Variants in DYNC2H1 observed in about 807,000 individuals in gnomAD.
DYNC2H1 encodes cytoplasmic dynein 2 heavy chain 1.
A neutral mutation model predicts 570.0 loss-of-function variants in DYNC2H1; 410 were observed. The observed-to-expected ratio is 0.72, with a 90% CI of 0.66 to 0.78. The LOEUF is 0.78. Among genes scored for constraint, DYNC2H1 ranks in the 30% least tolerant of loss-of-function variants. The probability of loss-of-function intolerance (pLI) is 0.00; values close to 1 mark genes in which losing one functional copy is unlikely to be tolerated. For synonymous variants in DYNC2H1, 1,688 were observed against 1,677.6 expected (o/e 1.01, Z -0.15); for missense variants, 4,865 against 5,046.4 (o/e 0.96, Z 1.09).
At chr11:103,344,998 A>G (rs977225487) in intron 82 of DYNC2H1, among the ~76,000 whole-genome samples, 1 of 143,660 alleles carries the variant, frequency 7.0e-6, no homozygotes, top group African/African-American at 2.5e-5. Flanking sequence ...GTGGTTTTAC[A>G]TATTTTTTAG....
intron 71 of DYNC2H1, among the ~76,000 whole-genome samples, chr11:103,281,960 G>A (rs1345347016): frequency 6.6e-6 from 1 of 151,750 alleles, no homozygotes; most frequent in Non-Finnish European, 1.5e-5. Flanking sequence ...GAGTTGTTTT[G>A]TTTTAATAAA....
chr11:103,303,361 C>A, intron 76 of DYNC2H1, 108 bp downstream of exon 76: 3 of 1,208,152 alleles, frequency 2.5e-6, no homozygotes, highest in South Asian at 1.8e-5. Context: ...ATAATGCCCC[C>A]AAAAATGTCT....
At chr11:103,291,879 CT>C (rs1268894903) in intron 75 of DYNC2H1, among the ~76,000 whole-genome samples, 1 of 151,760 alleles carries the variant, frequency 6.6e-6, no homozygotes, top group East Asian at 1.9e-4. Flanking sequence ...TACTTCTTCT[CT>C]TTTTTGGTTT....
intron 47 of DYNC2H1, among the ~76,000 whole-genome samples, chr11:103,193,353 TG>T (rs1862393897): frequency 6.6e-6 from 1 of 152,124 alleles, no homozygotes; most frequent in Non-Finnish European, 1.5e-5. Context: ...GAGTCAGTAG[TG>T]TCTCTTTTTG....
intron 82 of DYNC2H1, among the ~76,000 whole-genome samples, chr11:103,337,220 C>A (rs1801899079): frequency 6.6e-6 from 1 of 152,190 alleles, no homozygotes; most frequent in Non-Finnish European, 1.5e-5. Flanking sequence ...TTTAGTTAAT[C>A]TGAAATCTAT....
chr11:103,114,575 C>T (rs1858280732), intron 3 of DYNC2H1, among the ~76,000 whole-genome samples: 1 of 152,074 alleles, frequency 6.6e-6, no homozygotes, highest in Non-Finnish European at 1.5e-5. Context: ...ACTACTAGGC[C>T]TCCCAAAGTG....
rs1939001865 is a variant in DYNC2H1 at position 103,334,384 on chromosome 11, T to C, written c.12039+10394T>C. ...ATTTGGCTACAAGGAATATCTGTTG[T>C]AAATCAATTATAAATTGTAAATCAA... On this transcript the variant is annotated intron_variant, in intron 82 of 88. Coordinates refer to ENST00000375735, the MANE Select transcript of DYNC2H1 (RefSeq NM_001377.3). The surrounding 1 kb of genome is among the most constrained non-coding windows in gnomAD (Gnocchi z 4.3). Among the ~76,000 whole-genome samples, 1 of 152,190 alleles carries C rather than the reference T, an allele frequency of 6.6e-6. No individual in the cohort carries two copies. The highest frequency in any genetic ancestry group is 2.1e-4 in the South Asian group (1 of 4,834).
At position 103,289,873 on chromosome 11, in the gene DYNC2H1, C is replaced by T. The variant is rs186449391; in HGVS notation, c.11095+2268C>T. On this transcript the variant is annotated intron_variant, in intron 75 of 88. Transcript: ENST00000375735. This position sits in a 1 kb window ranked among gnomAD's most constrained non-coding sequence, Gnocchi z 4.2. ...TATTTGGACTGAGTGTTCCTCAATCCAATATGATTGGTGTCCTTACAAGAA... is the reference window on the plus strand; with the variant it reads ...TATTTGGACTGAGTGTTCCTCAATCTAATATGATTGGTGTCCTTACAAGAA... 1.1e-4 allele frequency among the ~76,000 whole-genome samples: 16 copies of T among 152,160 alleles called. No homozygotes were observed. Among genetic ancestry groups the T allele is most frequent in the Non-Finnish European group, 1.5e-4 (10 of 67,986 alleles).
At position 103,384,628 on chromosome 11, in the gene DYNC2H1, CT is replaced by C. The variant is rs749959911; in HGVS notation, c.12157-15033del. 5.9e-5 allele frequency among the ~76,000 whole-genome samples: 9 copies of C among 152,110 alleles called. No individual in the cohort carries two copies. The East Asian group carries it at 1.7e-3, about 29-fold the overall frequency. On this transcript the variant is annotated intron_variant, in intron 83 of 88. Transcript: ENST00000375735. ...CTGTATGTTTTTTGTACATACATAG[CT>C]TATCAAAGTTAAACTCAGTATATTT...
chr11:103,471,258 T>C, intron 88 of DYNC2H1, among the ~76,000 whole-genome samples: 1 of 152,170 alleles, frequency 6.6e-6, no homozygotes, highest in East Asian at 1.9e-4. Flanking sequence ...CCCACCTCCT[T>C]TTTCCCCTTC....
Position 103,254,884 on chromosome 11 carries a change from GC to G in DYNC2H1, c.10207-529del, listed in dbSNP as rs777352643. Among the ~76,000 whole-genome samples, 7 of 151,984 alleles carry G rather than the reference GC, an allele frequency of 4.6e-5. No individual in the cohort carries two copies. Among genetic ancestry groups the G allele is most frequent in the Non-Finnish European group, 7.4e-5 (5 of 67,996 alleles). On this transcript the variant is annotated intron_variant, in intron 66 of 88. Transcript: ENST00000375735. This position sits in a 1 kb window ranked among gnomAD's most constrained non-coding sequence, Gnocchi z 4.9. Reference sequence around the variant, plus strand: ...CCTCCTAGGTTTAAGCTATTCTCCTGCCTCAGCCTCCCGAGTAGCTGGGATT... The same window carrying G: ...CCTCCTAGGTTTAAGCTATTCTCCTGCTCAGCCTCCCGAGTAGCTGGGATT...
At position 103,115,896 on chromosome 11, in the gene DYNC2H1, G is replaced by A. The variant is rs559273072; in HGVS notation, c.621+601G>A. ...GCACAGGTAATACGTTCTTTTGAAT[G>A]GGTATTCACTTTGTTCAAATTAGCA... On this transcript the variant is annotated intron_variant, in intron 4 of 88. Transcript: ENST00000375735. Among the ~76,000 whole-genome samples the A allele has an allele frequency of 3.0e-4, 45 of 152,108 alleles. 1 individual carries two copies. Among genetic ancestry groups the A allele is most frequent in the Admixed American group, 3.9e-4 (6 of 15,266 alleles).
In DYNC2H1 at chr11:103,479,191, T is replaced by C; in HGVS notation, c.12862T>C (p.Cys4288Arg). The C allele has an allele frequency of 1.2e-6, 2 of 1,613,914 alleles. No homozygotes were observed. The highest frequency in any genetic ancestry group is 4.5e-5 in the East Asian group (2 of 44,864). ...TGTGGTTACCAATATTGATGTTCCA[T>C]GTGGGGGCAACCAAGACCAGTGGAT... ...DRVVTNIDVPCGGNQDQWIQC... is the reference protein window; with the variant it reads ...DRVVTNIDVPRGGNQDQWIQC... Residue 4288 changes from cysteine (C) to arginine (R), a missense_variant, in exon 89 of 89, where the codon TGT becomes CGT. This residue lies in a region of DYNC2H1 where 2,401 missense variants were observed against 2,454.6 expected (regional missense o/e 0.98). Transcript: ENST00000375735.
At chr11:103,197,089 G>A (rs1862532030) in intron 47 of DYNC2H1, among the ~76,000 whole-genome samples, 1 of 151,982 alleles carries the variant, frequency 6.6e-6, no homozygotes, top group Admixed American at 6.6e-5. Context: ...GTAGATTTAA[G>A]GGAAGTTTGG....
chr11:103,328,136 G>T (rs1282917598), intron 82 of DYNC2H1, among the ~76,000 whole-genome samples: 1 of 152,078 alleles, frequency 6.6e-6, no homozygotes, highest in African/African-American at 2.4e-5. Flanking sequence ...TCTTGCCTTA[G>T]TATTCCAATT....
chr11:103,176,998 A>C (rs1414214237), intron 37 of DYNC2H1, among the ~76,000 whole-genome samples: 2 of 152,088 alleles, frequency 1.3e-5, no homozygotes, highest in South Asian at 2.1e-4. Context: ...GAGCCACCGC[A>C]TCTGGCCATC....
chr11:103,220,564 A>T, intron 56 of DYNC2H1, 59 bp from the exon 57 acceptor site: 4 of 1,470,704 alleles, frequency 2.7e-6, no homozygotes, highest in Non-Finnish European at 3.6e-6. Flanking sequence ...ATTTTTCAAG[A>T]GTTAATGATT....
chr11:103,301,954 C>A (rs1867065265), intron 75 of DYNC2H1, among the ~76,000 whole-genome samples: 1 of 150,294 alleles, frequency 6.7e-6, no homozygotes, highest in Non-Finnish European at 1.5e-5. Context: ...TTTTTAAACT[C>A]CTGTGTAACA....
chr11:103,291,350 A>T (rs187702771), intron 75 of DYNC2H1, among the ~76,000 whole-genome samples: 1 of 152,136 alleles, frequency 6.6e-6, no homozygotes, highest in Non-Finnish European at 1.5e-5. Context: ...AGGTGGGACA[A>T]TTGCTTGACC....
Sources: gnomAD v4.1 joint callset for allele counts (sites outside exome capture counted in the v4.1 genomes callset) on GRCh38, gnomAD v4.1.1 for gene constraint, gnomAD v4.1.1 regional missense constraint, Gnocchi (gnomAD v3.1) non-coding constraint, MANE v1.5 for transcripts, NCBI Gene and HGNC (gene_info 2026-07-23, HGNC 2026-07-21) for gene names.